ANO10: variants seen among roughly 807,000 people sequenced by gnomAD.
ANO10 encodes the protein anoctamin-10.
Under a neutral mutation model 74.7 loss-of-function variants are expected in ANO10, and 77 were observed. The ratio of observed to expected loss-of-function variants is 1.03; its 90% CI spans 0.86 to 1.25. The LOEUF (loss-of-function observed/expected upper bound fraction) is 1.25. ANO10 is among the 50% of genes most tolerant of loss of function. The probability of loss-of-function intolerance (pLI) is 0.00; values close to 1 mark genes in which losing one functional copy is unlikely to be tolerated. For synonymous variants in ANO10, 279 were observed against 284.9 expected, an observed-to-expected ratio of 0.98 and a Z score of 0.21; for missense variants, 721 against 778.1, an observed-to-expected ratio of 0.93 and a Z score of 0.87.
chr3:43,441,726 T>G lies in ANO10; in HGVS notation c.1798-8999A>C, dbSNP rs140701474. 1.3e-4 allele frequency among the ~76,000 whole-genome samples: 19 copies of G among 151,950 alleles called. 1 individual carries two copies. Among genetic ancestry groups the G allele is most frequent in the African/African-American group, 4.6e-4 (19 of 41,438 alleles). On this transcript the variant is annotated intron_variant, in intron 11 of 12. Coordinates refer to ENST00000292246, the MANE Select transcript of ANO10 (RefSeq NM_018075.5). ...TAAAAAAGAAAACTATAGTCCAATA[T>G]CCCTAATCAATATTGATGCAAATTC... is the stretch of plus-strand genomic sequence containing the variant.
intron 4 of ANO10, among the ~76,000 whole-genome samples, chr3:43,584,152 C>T (rs2081374347): frequency 6.6e-6 from 1 of 152,178 alleles, no homozygotes; most frequent in Non-Finnish European, 1.5e-5. Context: ...GAATGGCTGT[C>T]AAGATGAATG....
intron 1 of ANO10, among the ~76,000 whole-genome samples, chr3:43,673,448 C>T (rs1438395358): frequency 2.0e-5 from 3 of 152,106 alleles, no homozygotes. Context: ...AAACCTGACC[C>T]TGCTACAAAT....
At chr3:43,429,227 G>A (rs1255002235) in intron 12 of ANO10, among the ~76,000 whole-genome samples, 1 of 152,102 alleles carries the variant, frequency 6.6e-6, no homozygotes, top group East Asian at 1.9e-4. Flanking sequence ...ATAATATGTT[G>A]AATTTGGTGG....
intron 1 of ANO10, among the ~76,000 whole-genome samples, chr3:43,634,710 G>A (rs2083587879): frequency 6.6e-6 from 1 of 152,174 alleles, no homozygotes; most frequent in Non-Finnish European, 1.5e-5. Flanking sequence ...CTTAAGGATA[G>A]GTATATCATG....
chr3:43,537,218 G>C (rs2078750833), intron 11 of ANO10, among the ~76,000 whole-genome samples: 1 of 152,144 alleles, frequency 6.6e-6, no homozygotes, highest in African/African-American at 2.4e-5. Context: ...TATAGGCTGT[G>C]GAAGAATATC....
At chr3:43,485,067 G>A in intron 11 of ANO10, 2 of 1,274,096 alleles carry the variant, frequency 1.6e-6, no homozygotes, top group Non-Finnish European at 2.2e-6. Context: ...TTGGAGTCGT[G>A]GAACTGCTTG....
chr3:43,452,132 A>G (rs913707198), intron 11 of ANO10, among the ~76,000 whole-genome samples: 3 of 152,220 alleles, frequency 2.0e-5, no homozygotes, highest in African/African-American at 7.2e-5. Context: ...AAAGAATTAG[A>G]ACACTCTCTA....
chr3:43,500,098 G>A (rs960534553), intron 11 of ANO10, among the ~76,000 whole-genome samples: 10 of 151,970 alleles, frequency 6.6e-5, no homozygotes, highest in African/African-American at 7.3e-5. Flanking sequence ...CCACCTGCCC[G>A]GCCTCCCAAA....
At chr3:43,408,002 G>C (rs1433990212) in intron 12 of ANO10, among the ~76,000 whole-genome samples, 2 of 152,172 alleles carry the variant, frequency 1.3e-5, no homozygotes, top group African/African-American at 4.8e-5. Flanking sequence ...ATTTGGGATA[G>C]CAAGCTGTGG....
intron 12 of ANO10, among the ~76,000 whole-genome samples, chr3:43,429,153 G>C (rs894928172): frequency 6.6e-6 from 1 of 151,994 alleles, no homozygotes; most frequent in Non-Finnish European, 1.5e-5. Flanking sequence ...ACCCTCAATG[G>C]CAAATATAAC....
At chr3:43,432,928 C>T (rs1488383354) in intron 11 of ANO10, among the ~76,000 whole-genome samples, 3 of 117,742 alleles carry the variant, frequency 2.5e-5, no homozygotes, top group Non-Finnish European at 5.4e-5. Flanking sequence ...TCAGTAATTA[C>T]TGACTTTGCT....
chr3:43,618,748 G>A (rs2083242775), intron 1 of ANO10, among the ~76,000 whole-genome samples: 2 of 152,008 alleles, frequency 1.3e-5, no homozygotes, highest in South Asian at 4.1e-4. Flanking sequence ...GTAACTCCCA[G>A]AAGATTTAGA....
chr3:43,596,762 T>C (rs942603069), intron 4 of ANO10, among the ~76,000 whole-genome samples: 1 of 152,102 alleles, frequency 6.6e-6, no homozygotes, highest in Non-Finnish European at 1.5e-5. Context: ...AATTGACAAA[T>C]GGGATCTAAT....
chr3:43,371,971 C>T (rs2091627822), intron 12 of ANO10, among the ~76,000 whole-genome samples: 1 of 152,216 alleles, frequency 6.6e-6, no homozygotes, highest in South Asian at 2.1e-4. Flanking sequence ...TCTAAACAGC[C>T]ACGACAGCAG....
intron 12 of ANO10, among the ~76,000 whole-genome samples, chr3:43,401,412 G>A (rs920291608): frequency 2.0e-5 from 3 of 152,052 alleles, no homozygotes; most frequent in African/African-American, 7.2e-5. Flanking sequence ...AAAGGCGGGG[G>A]GGAAACGCCA....
intron 10 of ANO10, chr3:43,551,451 C>G (rs1260912368): frequency 2.0e-5 from 9 of 455,782 alleles, no homozygotes; most frequent in African/African-American, 1.0e-4. Flanking sequence ...TACTTCATTA[C>G]CTTTTGATAG....
intron 11 of ANO10, among the ~76,000 whole-genome samples, chr3:43,476,866 A>G (rs2076084988): frequency 6.6e-6 from 1 of 152,236 alleles, no homozygotes; most frequent in South Asian, 2.1e-4. Flanking sequence ...AAACATAGCA[A>G]ACCTTGCCAA....
chr3:43,563,101 T>C (rs901031235), intron 8 of ANO10, among the ~76,000 whole-genome samples: 3 of 152,086 alleles, frequency 2.0e-5, no homozygotes, highest in African/African-American at 7.2e-5. Flanking sequence ...TACCAGAATA[T>C]ACAAGGAACT....
At chr3:43,494,532 C>T (rs1261792590) in intron 11 of ANO10, among the ~76,000 whole-genome samples, 1 of 152,080 alleles carries the variant, frequency 6.6e-6, no homozygotes, top group Admixed American at 6.6e-5. Flanking sequence ...TCCTCATTTG[C>T]AGCTATGAGT....
Sources: allele counts gnomAD v4.1 joint callset (sites outside exome capture counted in the v4.1 genomes callset), GRCh38; gene constraint gnomAD v4.1.1; transcripts MANE v1.5; gene names NCBI Gene and HGNC (gene_info 2026-07-23, HGNC 2026-07-21).